Variants in ENO1 observed in about 807,000 individuals in gnomAD.
ENO1 encodes the protein enolase 1.
ENO1 carries 33 observed loss-of-function variants against 46.3 expected under a neutral mutation model. The observed-to-expected ratio is 0.71, with a 90% CI of 0.54 to 0.95. ENO1 has a LOEUF of 0.95. ENO1 is among the 40% of genes least tolerant of loss of function. ENO1 has a pLI of 0.00. For missense variants in ENO1, 488 were observed against 553.3 expected (o/e 0.88, Z 1.18); for synonymous variants, 220 against 216.0 (o/e 1.02, Z -0.16).
At chr1:8,869,964 A>C (rs779006473) in intron 4 of ENO1, among the ~76,000 whole-genome samples, 14 of 152,360 alleles carry the variant, frequency 9.2e-5, no homozygotes, top group Non-Finnish European at 2.1e-4. Flanking sequence ...TAAAACCTGC[A>C]GAGTCGGGTG....
chr1:8,866,602 G>A (rs1207683095), intron 6 of ENO1, 101 bp from the exon 7 acceptor site: 1 of 1,276,774 alleles, frequency 7.8e-7, no homozygotes, highest in Admixed American at 1.9e-5. Flanking sequence ...TCACAGATGA[G>A]CCCAAGACTT....
chr1:8,878,249 A>G (rs1642778695), intron 1 of ENO1: 1 of 208,172 alleles, frequency 4.8e-6, no homozygotes, highest in Admixed American at 5.8e-5. Context: ...TTCCACTCCC[A>G]ACTCCCGCTG....
At chr1:8,862,693 T>C (rs1329736436) in intron 11 of ENO1, among the ~76,000 whole-genome samples, 194 bp downstream of exon 11, 1 of 152,102 alleles carries the variant, frequency 6.6e-6, no homozygotes, top group Non-Finnish European at 1.5e-5. Flanking sequence ...GGCGCTGCAG[T>C]GGGTGGGTAG....
chr1:8,861,297 G>C lies in ENO1; in HGVS notation c.*63C>G. On this transcript the variant is annotated 3_prime_UTR_variant, in exon 12 of 12. Coordinates refer to ENST00000234590, the MANE Select transcript of ENO1 (RefSeq NM_001428.5). The stretch of plus-strand genomic sequence containing the variant: ...TGGTCGGGGGCCTCGAGCTGCCTGA[G>C]CTGACACGAGGGGAGGGGTCTGTGT... 6.4e-7 allele frequency: 1 copy of C among 1,573,260 alleles called. No homozygotes were observed. Among genetic ancestry groups the C allele is most frequent in the Non-Finnish European group, 8.7e-7 (1 of 1,145,240 alleles).
intron 11 of ENO1, 47 bp from the exon 12 acceptor site, chr1:8,861,476 C>T: frequency 6.2e-7 from 1 of 1,606,446 alleles, no homozygotes; most frequent in Non-Finnish European, 8.5e-7. Context: ...AAAGAAAAGT[C>T]AGACCTCAAG....
At chr1:8,862,263 CAAACA>C (rs1471366549) in intron 11 of ENO1, among the ~76,000 whole-genome samples, 5 of 151,898 alleles carry the variant, frequency 3.3e-5, no homozygotes, top group Non-Finnish European at 2.9e-5. Flanking sequence ...CTGTCTCAAA[CAAACA>C]AAACAACAAA....
At chr1:8,870,121 C>G in intron 4 of ENO1, 1 of 297,056 alleles carries the variant, frequency 3.4e-6, no homozygotes, top group Non-Finnish European at 6.3e-6. Flanking sequence ...AGAAATTAGT[C>G]ACCATGGACA....
At chr1:8,861,572 C>A (rs1220417806) in intron 11 of ENO1, 143 bp from the exon 12 acceptor site, 18 of 768,510 alleles carry the variant, frequency 2.3e-5, no homozygotes, top group Non-Finnish European at 3.6e-5. Context: ...AGTTTGTCCA[C>A]CTTCTTTAAA....
intron 9 of ENO1, 105 bp from the exon 10 acceptor site, chr1:8,863,448 T>A: frequency 8.8e-7 from 1 of 1,136,644 alleles, no homozygotes; most frequent in Non-Finnish European, 1.2e-6. Context: ...GGAGGGGCTG[T>A]TAATGGCTAA....
intron 5 of ENO1, 47 bp from the exon 6 acceptor site, chr1:8,867,297 C>T: frequency 6.2e-7 from 1 of 1,607,794 alleles, no homozygotes. Context: ...TCTGATTCAC[C>T]AGCTTTTCTC....
chr1:8,870,452 C>A lies in ENO1; in HGVS notation c.240G>T (p.Lys80Asn). The change falls in exon 4 of 12, where the codon AAG (lysine) becomes AAT (asparagine). Residue 80 changes from lysine (K) to asparagine (N), a missense_variant and splice_region_variant. By Grantham distance (94) the Lys-to-Asn change is moderately conservative. Transcript: ENST00000234590. The stretch of plus-strand genomic sequence containing the variant: ...TTAGTTATCAGGAGGCAGGTCCTAC[C>A]TTGCTAACCAGGGCAGGCGCAATAG... Reference protein sequence around the residue: ...NKTIAPALVSKKLNVTEQEKI... With the variant: ...NKTIAPALVSNKLNVTEQEKI... 6.2e-7 allele frequency: 1 copy of A among 1,614,190 alleles called. No homozygotes were observed. Among genetic ancestry groups the A allele is most frequent in the Non-Finnish European group, 8.5e-7 (1 of 1,180,030 alleles).
Position 8,861,354 on chromosome 1 carries a change from C to G in ENO1, c.*6G>C, listed in dbSNP as rs762352421. 1 of 1,613,656 alleles carries G rather than the reference C, an allele frequency of 6.2e-7. No homozygotes were observed. The highest frequency in any genetic ancestry group is 8.5e-7 in the Non-Finnish European group (1 of 1,180,006). On this transcript the variant is annotated 3_prime_UTR_variant, in exon 12 of 12. Coordinates refer to ENST00000234590, the MANE Select transcript of ENO1 (RefSeq NM_001428.5). ...CAGGTGACCGAAGGGCTTGCCTGCC[C>G]ACAGCTTACTTGGCCAAGGGGTTTC...
intron 10 of ENO1, 22 bp downstream of exon 10, chr1:8,863,213 A>C: frequency 6.2e-7 from 1 of 1,612,370 alleles, no homozygotes; most frequent in South Asian, 1.1e-5. Flanking sequence ...CAGAGAAGAA[A>C]GGAGGAGACG....
At chr1:8,870,286 G>T in intron 4 of ENO1, 166 bp downstream of exon 4, 1 of 789,836 alleles carries the variant, frequency 1.3e-6, no homozygotes, top group Non-Finnish European at 2.0e-6. Context: ...TGAGGCAGCG[G>T]GCAGGTTAGA....
chr1:8,868,106 T>C (rs763545475), intron 4 of ENO1, 49 bp from the exon 5 acceptor site: 13 of 1,327,268 alleles, frequency 9.8e-6, no homozygotes, highest in Middle Eastern at 3.6e-4. Flanking sequence ...CTTATCTGCA[T>C]AGCCTTTGCT....
intron 1 of ENO1, 172 bp downstream of exon 1, chr1:8,878,401 CCGGGCCT>C: frequency 3.1e-6 from 1 of 319,828 alleles, no homozygotes; most frequent in East Asian, 1.0e-4. Context: ...CGCCCCCGCC[CCGGGCCT>C]CGGGGTGAGC....
chr1:8,870,432 T>C lies in ENO1; in HGVS notation c.240+20A>G. ...CTCTGGTGGCATTAGACACATTAGT[T>C]ATCAGGAGGCAGGTCCTACCTTGCT... On this transcript the variant is annotated intron_variant, in intron 4 of 11. Transcript: ENST00000234590. 6.2e-7 allele frequency: 1 copy of C among 1,614,156 alleles called. No homozygotes were observed. The highest frequency in any genetic ancestry group is 2.2e-5 in the East Asian group (1 of 44,886).
chr1:8,867,553 T>A (rs531622609), intron 5 of ENO1, among the ~76,000 whole-genome samples: 1,009 of 41,414 alleles, frequency 0.024, 5 homozygotes, highest in African/African-American at 0.05. Flanking sequence ...TCAAAAAAAA[T>A]TTTTTTTTTT....
chr1:8,871,012 A>T, intron 3 of ENO1: 1 of 1,241,840 alleles, frequency 8.1e-7, no homozygotes, highest in Non-Finnish European at 1.0e-6. Context: ...CCATGCGTTC[A>T]ATCTTCCACA....
Sources: allele counts gnomAD v4.1 joint callset (sites outside exome capture counted in the v4.1 genomes callset), GRCh38; gene constraint gnomAD v4.1.1; transcripts MANE v1.5; gene names NCBI Gene and HGNC (gene_info 2026-07-23, HGNC 2026-07-21).